Variants in TAOK3 observed in about 807,000 individuals in gnomAD.
TAOK3 encodes serine/threonine-protein kinase TAO3.
TAOK3 carries 40 observed loss-of-function variants against 120.4 expected under a neutral mutation model. The observed-to-expected ratio is 0.33, with a 90% CI of 0.26 to 0.43. TAOK3 has a LOEUF of 0.43. TAOK3 is among the 20% of genes least tolerant of loss of function. TAOK3 has a pLI of 1.00. For synonymous variants in TAOK3, 355 were observed against 387.5 expected (o/e 0.92, Z 0.99); for missense variants, 821 against 1,112.1 (o/e 0.74, Z 3.72).
At chr12:118,204,801 G>T (rs540695430) in intron 11 of TAOK3, among the ~76,000 whole-genome samples, 1 of 151,946 alleles carries the variant, frequency 6.6e-6, no homozygotes, top group Admixed American at 6.6e-5. Context: ...AGGCCAAGGC[G>T]GGCAGATCAC....
intron 10 of TAOK3, among the ~76,000 whole-genome samples, chr12:118,213,793 A>T (rs2038746304): frequency 6.6e-6 from 1 of 152,196 alleles, no homozygotes; most frequent in Non-Finnish European, 1.5e-5. Flanking sequence ...TACTAGACAC[A>T]TTAAGAACAC....
chr12:118,341,115 T>A (rs750422130), intron 1 of TAOK3, among the ~76,000 whole-genome samples: 15 of 151,896 alleles, frequency 9.9e-5, no homozygotes, highest in Middle Eastern at 3.2e-3. Flanking sequence ...TTGTTCGTCC[T>A]CAGCCTCCTG....
intron 1 of TAOK3, among the ~76,000 whole-genome samples, chr12:118,343,808 C>T (rs891773962): frequency 7.2e-5 from 11 of 151,894 alleles, no homozygotes; most frequent in South Asian, 2.1e-4. Flanking sequence ...GTCAGGAGAT[C>T]GAGACCATCC....
rs1276978207 is a variant in TAOK3, at chr12:118,222,928, TA to T, written c.644-8819del. Among the ~76,000 whole-genome samples the T allele has an allele frequency of 6.6e-5, 10 of 151,974 alleles. No homozygotes were observed. In the South Asian group the frequency reaches 1.9e-3, roughly 28 times the overall value. ...ACCTGCACTACAAAAGCTATTGAAA[TA>T]AAAAAATGTAAAAAACAAAATAAAA... On this transcript the variant is annotated intron_variant, in intron 9 of 20. Coordinates refer to ENST00000392533, the MANE Select transcript of TAOK3 (RefSeq NM_016281.4).
intron 8 of TAOK3, among the ~76,000 whole-genome samples, 189 bp from the exon 9 acceptor site, chr12:118,233,954 C>T (rs1208844256): frequency 6.6e-6 from 1 of 152,026 alleles, no homozygotes; most frequent in East Asian, 1.9e-4. Context: ...TTACATGACA[C>T]AGTATATTAT....
At chr12:118,307,930 G>C (rs2043110095) in intron 1 of TAOK3, among the ~76,000 whole-genome samples, 2 of 151,618 alleles carry the variant, frequency 1.3e-5, no homozygotes, top group Admixed American at 1.3e-4. Context: ...GTTCCCAATA[G>C]CTGCTTAAAA....
chr12:118,151,332 G>A (rs1281046044), intron 20 of TAOK3, among the ~76,000 whole-genome samples, 174 bp from the exon 21 acceptor site: 1 of 150,966 alleles, frequency 6.6e-6, no homozygotes, highest in Non-Finnish European at 1.5e-5. Context: ...AACTACGGGA[G>A]GACCGAGGAA....
At chr12:118,212,769 G>C in intron 11 of TAOK3, 145 bp downstream of exon 11, 1 of 551,174 alleles carries the variant, frequency 1.8e-6, no homozygotes, top group Admixed American at 3.5e-5. Context: ...CTATTTCTAT[G>C]CCTAGCTACT....
intron 17 of TAOK3, among the ~76,000 whole-genome samples, chr12:118,163,448 T>TTTTG (rs1555209281): frequency 4.8e-5 from 6 of 123,906 alleles, no homozygotes; most frequent in South Asian, 2.8e-4. Flanking sequence ...ACTTTTTTTT[T>TTTTG]GGGGGGGGTG....
chr12:118,320,763 G>A (rs1404640373), intron 1 of TAOK3, among the ~76,000 whole-genome samples: 3 of 152,114 alleles, frequency 2.0e-5, no homozygotes, highest in Non-Finnish European at 4.4e-5. Flanking sequence ...TGTGAAAAAA[G>A]AGGGTCCCCA....
intron 11 of TAOK3, 128 bp downstream of exon 11, chr12:118,212,786 A>T: frequency 1.7e-6 from 1 of 581,604 alleles, no homozygotes; most frequent in South Asian, 2.5e-5. Flanking sequence ...TACTTATCTC[A>T]GGATAAATGA....
At chr12:118,177,849 A>G (rs535588506) in intron 15 of TAOK3, among the ~76,000 whole-genome samples, 2 of 152,258 alleles carry the variant, frequency 1.3e-5, no homozygotes, top group African/African-American at 4.8e-5. Context: ...AGAAAAAGAA[A>G]AAGAAAAATA....
chr12:118,198,753 T>C (rs1039425146), intron 13 of TAOK3: 2 of 380,322 alleles, frequency 5.3e-6, no homozygotes, highest in Non-Finnish European at 1.0e-5. Context: ...TCAGGAAGAC[T>C]TGAAGGTCTA....
In TAOK3 at chr12:118,330,147, A is replaced by C. The variant is rs186001209; in HGVS notation, c.-194+42501T>G. On this transcript the variant is annotated intron_variant, in intron 1 of 20. Transcript: ENST00000392533. ...TCTTCTTTTTTCACAATTTATTTAT[A>C]TCTAGAGATGTGAGGATGAGAAACA... 3.6e-3 allele frequency among the ~76,000 whole-genome samples: 549 copies of C among 152,338 alleles called. 1 individual carries two copies. Among genetic ancestry groups the C allele is most frequent in the African/African-American group, 0.012 (507 of 41,582 alleles).
intron 1 of TAOK3, among the ~76,000 whole-genome samples, chr12:118,308,420 A>AAT (rs2043132950): frequency 6.6e-6 from 1 of 152,188 alleles, no homozygotes; most frequent in Non-Finnish European, 1.5e-5. Context: ...AAAAAAAATT[A>AAT]AACATTTACA....
chr12:118,263,215 G>C (rs1263419094), intron 2 of TAOK3, among the ~76,000 whole-genome samples: 1 of 152,196 alleles, frequency 6.6e-6, no homozygotes, highest in African/African-American at 2.4e-5. Flanking sequence ...CTGAGATTTG[G>C]TAGAAGTACA....
chr12:118,216,419 T>C (rs754926726), intron 9 of TAOK3, among the ~76,000 whole-genome samples: 1 of 152,190 alleles, frequency 6.6e-6, no homozygotes, highest in Non-Finnish European at 1.5e-5. Flanking sequence ...TACATCATCA[T>C]ACAAATCTTT....
intron 1 of TAOK3, among the ~76,000 whole-genome samples, chr12:118,321,218 T>G (rs755724076): frequency 3.9e-5 from 6 of 152,082 alleles, no homozygotes; most frequent in African/African-American, 1.4e-4. Flanking sequence ...CACTGTTGTT[T>G]AACATGTATA....
intron 8 of TAOK3, among the ~76,000 whole-genome samples, chr12:118,235,041 G>A (rs2039965273): frequency 6.6e-6 from 1 of 152,188 alleles, no homozygotes; most frequent in Admixed American, 6.5e-5. Flanking sequence ...AAGGCATAAT[G>A]AAATTCCAAC....
Sources: allele counts gnomAD v4.1 joint callset (sites outside exome capture counted in the v4.1 genomes callset), GRCh38; gene constraint gnomAD v4.1.1; transcripts MANE v1.5; gene names NCBI Gene and HGNC (gene_info 2026-07-23, HGNC 2026-07-21).